Variants in CRTAM observed in about 807,000 individuals in gnomAD.
CRTAM encodes the protein cytotoxic and regulatory T-cell molecule.
In CRTAM, 44 loss-of-function variants were observed where a neutral mutation model predicts 50.0. The observed-to-expected ratio is 0.88, with a 90% CI of 0.69 to 1.13. The LOEUF is 1.13. Ranked by LOEUF, CRTAM falls within the 50% of genes most tolerant of loss-of-function variation. The pLI is 0.00. For synonymous variants in CRTAM, 159 were observed against 169.3 expected (o/e 0.94, Z 0.47); for missense variants, 448 against 457.5 (o/e 0.98, Z 0.19).
intron 5 of CRTAM, among the ~76,000 whole-genome samples, chr11:122,859,190 C>T (rs1862041203): frequency 6.6e-6 from 1 of 152,130 alleles, no homozygotes; most frequent in South Asian, 2.1e-4. Context: ...CTCACTGCAA[C>T]TTCCGCCTCC....
intron 5 of CRTAM, among the ~76,000 whole-genome samples, chr11:122,856,563 A>G (rs891279986): frequency 2.0e-5 from 3 of 152,254 alleles, no homozygotes; most frequent in African/African-American, 4.8e-5. Context: ...CTGTTTTACA[A>G]GGTACTTCTC....
At chr11:122,850,664 CTCT>C (rs1861918968) in intron 2 of CRTAM, among the ~76,000 whole-genome samples, 2 of 152,170 alleles carry the variant, frequency 1.3e-5, no homozygotes, top group Admixed American at 1.3e-4. Flanking sequence ...TTCCAGATAG[CTCT>C]TCTTCTCCTG....
chr11:122,851,608 G>T, intron 2 of CRTAM, 85 bp from the exon 3 acceptor site: 1 of 1,173,476 alleles, frequency 8.5e-7, no homozygotes, highest in South Asian at 1.3e-5. Flanking sequence ...AGAAAGCGGG[G>T]CAGTGCTTCT....
At chr11:122,861,399 TATATATATATATATATATATA>T (rs1289588149) in intron 5 of CRTAM, among the ~76,000 whole-genome samples, 2 of 17,668 alleles carry the variant, frequency 1.1e-4, no homozygotes, top group Non-Finnish European at 2.3e-4. Context: ...TATATATATA[TATATATATATATATATATATA>T]TTTTTTTTTT....
intron 1 of CRTAM, 106 bp from the exon 2 acceptor site, chr11:122,849,962 T>C: frequency 8.4e-7 from 1 of 1,184,730 alleles, no homozygotes; most frequent in Non-Finnish European, 1.1e-6. Context: ...TATTTTTTGG[T>C]TTCTAGAAGA....
chr11:122,871,373 A>C lies in CRTAM; in HGVS notation c.1156A>C (p.Ile386Leu). 6.2e-7 allele frequency: 1 copy of C among 1,613,906 alleles called. No homozygotes were observed. Among genetic ancestry groups the C allele is most frequent in the African/African-American group, 1.3e-5 (1 of 75,072 alleles). ...ACATTCAAAATTAGAAGAAAAGCAC[A>C]TCCAAGTACCAGAGAGTATTGTGTA... ...VQHSKLEEKH[I>L]QVPESIV is the part of the protein sequence containing the mutation. Residue 386 changes from isoleucine (I) to leucine (L), a missense_variant, in exon 10 of 10, where the codon ATC becomes CTC. By Grantham distance (5) the Ile-to-Leu change is conservative. Transcript: ENST00000227348.
intron 9 of CRTAM, 68 bp from the exon 10 acceptor site, chr11:122,871,201 G>A: frequency 1.4e-6 from 2 of 1,396,440 alleles, no homozygotes; most frequent in African/African-American, 1.4e-5. Context: ...TCCAATCAAA[G>A]TGTTTCAAGT....
At position 122,864,639 on chromosome 11, in the gene CRTAM, C is replaced by T. The variant is rs1418967892; in HGVS notation, c.737C>T (p.Ser246Leu). The T allele has an allele frequency of 1.9e-6, 3 of 1,608,990 alleles. No homozygotes were observed. The highest frequency in any genetic ancestry group is 1.1e-5 in the South Asian group (1 of 90,938). ...QDPQQPTSTV[S>L]VTEDSSTSEI... ...GTTTTATCTTCTTTCACTTTAGTCTCAGTAACGGAAGATTCTAGTACATCG... is the reference window on the plus strand; with the variant it reads ...GTTTTATCTTCTTTCACTTTAGTCTTAGTAACGGAAGATTCTAGTACATCG... Residue 246 changes from serine to leucine, a missense_variant, in exon 7 of 10, where the codon TCA (serine) becomes TTA (leucine). By Grantham distance (145) the Ser-to-Leu change is moderately radical (BLOSUM62 -2). Transcript: ENST00000227348.
intron 5 of CRTAM, among the ~76,000 whole-genome samples, chr11:122,861,056 CCT>C (rs1862066686): frequency 1.3e-5 from 2 of 152,036 alleles, no homozygotes. Context: ...CCAGCTTTTC[CCT>C]CTTTTCATTG....
chr11:122,862,531 G>A lies in CRTAM; in HGVS notation c.720G>A (p.Gln240=), dbSNP rs1862100304. ...CTCTATCCTCTCAAGACCCACAGCAGCCCACCAGTACTGGTAAGTGTCAAA... is the reference window on the plus strand; with the variant it reads ...CTCTATCCTCTCAAGACCCACAGCAACCCACCAGTACTGGTAAGTGTCAAA... ...RNSLSSQDPQ[Q]PTSTVSVTED... The change falls in exon 6 of 10, where the codon CAG becomes CAA. Residue 240 remains glutamine (Q), a synonymous_variant. Transcript: ENST00000227348. 6.2e-7 allele frequency: 1 copy of A among 1,603,434 alleles called. No individual in the cohort carries two copies. The highest frequency in any genetic ancestry group is 8.5e-7 in the Non-Finnish European group (1 of 1,170,356).
chr11:122,862,665 C>A (rs1410416337), intron 6 of CRTAM, 121 bp downstream of exon 6: 2 of 644,074 alleles, frequency 3.1e-6, no homozygotes, highest in Admixed American at 2.9e-5. Flanking sequence ...ACCATACAGG[C>A]CCCTCCAACT....
intron 4 of CRTAM, among the ~76,000 whole-genome samples, chr11:122,855,360 A>G (rs910059601): frequency 6.6e-6 from 1 of 152,232 alleles, no homozygotes; most frequent in Admixed American, 6.5e-5. Context: ...GGCAGTGCCA[A>G]TTCTACTTCA....
Position 122,871,431 on chromosome 11 carries a change from G to A in CRTAM, c.*32G>A. ...CTGCAATGGAACATGTGATTTCAGG[G>A]TTGCCGCAGTGTCACCTCAGTGGAC... is the stretch of plus-strand genomic sequence containing the variant. On this transcript the variant is annotated 3_prime_UTR_variant, in exon 10 of 10. Coordinates refer to ENST00000227348, the MANE Select transcript of CRTAM (RefSeq NM_019604.4). The A allele has an allele frequency of 6.3e-7, 1 of 1,592,712 alleles. No homozygotes were observed. Among genetic ancestry groups the A allele is most frequent in the Non-Finnish European group, 8.6e-7 (1 of 1,168,772 alleles).
intron 7 of CRTAM, among the ~76,000 whole-genome samples, chr11:122,866,172 G>A (rs995893836): frequency 2.0e-5 from 3 of 152,118 alleles, no homozygotes; most frequent in Non-Finnish European, 4.4e-5. Context: ...GTCCTTATGA[G>A]ATACATATTT....
chr11:122,851,626 A>T, intron 2 of CRTAM, 67 bp from the exon 3 acceptor site: 1 of 1,466,156 alleles, frequency 6.8e-7, no homozygotes, highest in Non-Finnish European at 9.5e-7. Context: ...TCTGGCATCT[A>T]CTGGGTAGAG....
intron 3 of CRTAM, among the ~76,000 whole-genome samples, chr11:122,853,015 C>T (rs141314719): frequency 6.6e-6 from 1 of 151,066 alleles, no homozygotes; most frequent in East Asian, 1.9e-4. Flanking sequence ...AAAGTATTTC[C>T]AAGACAGAAG....
intron 5 of CRTAM, among the ~76,000 whole-genome samples, chr11:122,861,471 T>A (rs1461603927): frequency 7.5e-6 from 1 of 132,630 alleles, no homozygotes; most frequent in East Asian, 2.6e-4. Flanking sequence ...CTCCTCGCTC[T>A]GTCGCCCAGG....
At chr11:122,854,508 A>C (rs1861979141) in intron 4 of CRTAM, among the ~76,000 whole-genome samples, 1 of 141,270 alleles carries the variant, frequency 7.1e-6, no homozygotes, top group African/African-American at 2.7e-5. Context: ...CCTCGTCCCT[A>C]CTAAAAATAA....
chr11:122,858,463 C>A (rs535145825), intron 5 of CRTAM, among the ~76,000 whole-genome samples: 8 of 152,180 alleles, frequency 5.3e-5, no homozygotes, highest in African/African-American at 1.9e-4. Flanking sequence ...TGAGCTCAAG[C>A]GATCCCTCAA....
Sources: allele counts gnomAD v4.1 joint callset (sites outside exome capture counted in the v4.1 genomes callset), GRCh38; gene constraint gnomAD v4.1.1; transcripts MANE v1.5; gene names NCBI Gene and HGNC (gene_info 2026-07-23, HGNC 2026-07-21).